ZMIZ1: variants seen among roughly 807,000 people sequenced by gnomAD.
ZMIZ1 encodes zinc finger MIZ domain-containing protein 1.
In ZMIZ1, 17 loss-of-function variants were observed where a neutral mutation model predicts 113.9. The ratio of observed to expected loss-of-function variants is 0.15; its 90% confidence interval spans 0.10 to 0.22. The LOEUF (loss-of-function observed/expected upper bound fraction) is 0.22, where lower values mean the gene tolerates loss of function less well. ZMIZ1 is among the 10% of genes least tolerant of loss of function. The probability of loss-of-function intolerance (pLI) is 1.00; values close to 1 mark genes in which losing one functional copy is unlikely to be tolerated. For missense variants in ZMIZ1, 1,059 were observed against 1,477.8 expected (o/e 0.72, Z 4.65); for synonymous variants, 607 against 603.1 (o/e 1.01, Z -0.09).
intron 7 of ZMIZ1, among the ~76,000 whole-genome samples, chr10:79,248,930 C>T (rs1850374457): frequency 6.6e-6 from 1 of 151,256 alleles, no homozygotes; most frequent in Admixed American, 6.6e-5. Flanking sequence ...AGTGTTGAAT[C>T]CCTGCTCCCT....
At chr10:79,267,556 G>A (rs1329035135) in intron 7 of ZMIZ1, among the ~76,000 whole-genome samples, 2 of 152,184 alleles carry the variant, frequency 1.3e-5, no homozygotes, top group Non-Finnish European at 2.9e-5. Context: ...CCATTTTGCA[G>A]AAGGGAAAAC....
intron 1 of ZMIZ1, among the ~76,000 whole-genome samples, chr10:79,077,035 T>C (rs2132167932): frequency 1.3e-5 from 2 of 152,212 alleles, no homozygotes; most frequent in South Asian, 4.1e-4. Flanking sequence ...ACTTCCTCTG[T>C]GTATGGGGAA....
intron 3 of ZMIZ1, among the ~76,000 whole-genome samples, chr10:79,148,058 G>A (rs1845565524): frequency 6.6e-6 from 1 of 152,220 alleles, no homozygotes; most frequent in African/African-American, 2.4e-5. Context: ...GAGGGCTGTG[G>A]TGGCTTTTTG....
At chr10:79,138,288 GA>G (rs1473985781) in intron 2 of ZMIZ1, among the ~76,000 whole-genome samples, 1 of 152,236 alleles carries the variant, frequency 6.6e-6, no homozygotes, top group Non-Finnish European at 1.5e-5. Flanking sequence ...GGGCTCAGGG[GA>G]ATGTTCTGCG....
chr10:79,310,147 G>A (rs554894512), intron 23 of ZMIZ1, among the ~76,000 whole-genome samples: 13 of 152,282 alleles, frequency 8.5e-5, no homozygotes, highest in South Asian at 4.1e-4. Flanking sequence ...TTGGTGAACC[G>A]TCACTCAGTC....
Position 79,301,373 on chromosome 10 carries a change from C to T in ZMIZ1, c.2019+431C>T, listed in dbSNP as rs562328129. Among the ~76,000 whole-genome samples, 9 of 152,250 alleles carry T rather than the reference C, an allele frequency of 5.9e-5. No individual in the cohort carries two copies. The South Asian group carries it at 1.0e-3, about 18-fold the overall frequency. On this transcript the variant is annotated intron_variant, in intron 17 of 24. Coordinates refer to ENST00000334512, the MANE Select transcript of ZMIZ1 (RefSeq NM_020338.4). ...AACGCCCCCAAACCTGGAGTTAACG[C>T]GTTCCCTTCTTTCCCAACCCCCTTG...
chr10:79,201,355 C>T (rs1455130882), intron 4 of ZMIZ1, among the ~76,000 whole-genome samples: 2 of 152,242 alleles, frequency 1.3e-5, no homozygotes, highest in South Asian at 2.1e-4. Flanking sequence ...TGTGCAGTTC[C>T]TTATCCCCTG....
intron 4 of ZMIZ1, among the ~76,000 whole-genome samples, chr10:79,181,202 C>T (rs959008982): frequency 2.0e-5 from 3 of 152,112 alleles, no homozygotes; most frequent in African/African-American, 4.8e-5. Flanking sequence ...CTCCTGATGG[C>T]CCTTCCCAGT....
At chr10:79,087,650 T>G (rs1304129116) in intron 1 of ZMIZ1, among the ~76,000 whole-genome samples, 2 of 152,348 alleles carry the variant, frequency 1.3e-5, no homozygotes, top group South Asian at 4.1e-4. Context: ...CCACTCTACT[T>G]AAAACTCCTT....
intron 1 of ZMIZ1, among the ~76,000 whole-genome samples, chr10:79,115,723 G>A (rs573074704): frequency 6.6e-6 from 1 of 152,364 alleles, no homozygotes; most frequent in Non-Finnish European, 1.5e-5. Flanking sequence ...TGCAAATGTG[G>A]GGGCGAGAGG....
At chr10:79,217,670 T>C (rs1324114515) in intron 7 of ZMIZ1, among the ~76,000 whole-genome samples, 1 of 152,196 alleles carries the variant, frequency 6.6e-6, no homozygotes, top group East Asian at 1.9e-4. Context: ...TCTGCTCAAT[T>C]TATAATCTCT....
intron 17 of ZMIZ1, among the ~76,000 whole-genome samples, chr10:79,301,537 C>T (rs1177684202): frequency 6.6e-6 from 1 of 152,162 alleles, no homozygotes; most frequent in Non-Finnish European, 1.5e-5. Context: ...AATTGCCTGC[C>T]CCACTCCACT....
Position 79,302,185 on chromosome 10 carries a change from C to T in ZMIZ1, c.2098C>T (p.Leu700=). The T allele has an allele frequency of 6.2e-7, 1 of 1,613,896 alleles. No homozygotes were observed. The highest frequency in any genetic ancestry group is 8.5e-7 in the Non-Finnish European group (1 of 1,180,030). The change falls in exon 18 of 25, where the codon CTG becomes TTG. Residue 700 remains leucine (L), a synonymous_variant. Coordinates refer to ENST00000334512, the MANE Select transcript of ZMIZ1 (RefSeq NM_020338.4). ...VLQGLLKKRL[L]PAEHCITKIK... ...GCAAGGACTCCTCAAGAAGCGCCTC[C>T]TGCCCGCAGAGCACTGTATCACGAA...
At chr10:79,254,602 G>A (rs1419147582) in intron 7 of ZMIZ1, among the ~76,000 whole-genome samples, 1 of 152,262 alleles carries the variant, frequency 6.6e-6, no homozygotes, top group Non-Finnish European at 1.5e-5. Context: ...TTAGAGCCAG[G>A]GCCACCCCTC....
At chr10:79,298,911 C>A in intron 15 of ZMIZ1, 139 bp from the exon 16 acceptor site, 2 of 1,151,930 alleles carry the variant, frequency 1.7e-6, no homozygotes, top group Non-Finnish European at 2.4e-6. Context: ...TGCCCTTGGA[C>A]TGGCTATGTC....
At chr10:79,246,633 C>G (rs1050631352) in intron 7 of ZMIZ1, among the ~76,000 whole-genome samples, 10 of 152,188 alleles carry the variant, frequency 6.6e-5, no homozygotes. Flanking sequence ...TGCTCTTGCC[C>G]CGCCACACCG....
intron 6 of ZMIZ1, among the ~76,000 whole-genome samples, chr10:79,211,667 C>T (rs1379109356): frequency 1.3e-5 from 2 of 152,224 alleles, no homozygotes; most frequent in South Asian, 2.1e-4. Flanking sequence ...CCTGCCATCC[C>T]GTCTGCTTCA....
chr10:79,154,588 G>A (rs897376028), intron 3 of ZMIZ1, among the ~76,000 whole-genome samples: 5 of 152,230 alleles, frequency 3.3e-5, no homozygotes, highest in East Asian at 1.9e-4. Flanking sequence ...GCAAGACCTC[G>A]GTCCCTGGAA....
intron 3 of ZMIZ1, among the ~76,000 whole-genome samples, chr10:79,148,108 G>C (rs1845567981): frequency 6.6e-6 from 1 of 152,208 alleles, no homozygotes; most frequent in African/African-American, 2.4e-5. Flanking sequence ...TCATGTGTCT[G>C]TTTGTCCACC....
Sources: gnomAD v4.1 joint callset for allele counts (sites outside exome capture counted in the v4.1 genomes callset) on GRCh38, gnomAD v4.1.1 for gene constraint, MANE v1.5 for transcripts, NCBI Gene and HGNC (gene_info 2026-07-23, HGNC 2026-07-21) for gene names.